The following SUGCT variants were observed in gnomAD, a reference collection of about 807,000 sequenced individuals.
SUGCT encodes the protein succinyl-CoA:glutarate CoA-transferase.
In SUGCT, 41 loss-of-function variants were observed where a neutral mutation model predicts 55.0. The observed-to-expected ratio is 0.74, with a 90% CI of 0.58 to 0.97. The LOEUF (loss-of-function observed/expected upper bound fraction) is 0.97. SUGCT is among the 50% of genes least tolerant of loss of function. The pLI is 0.00. For missense variants in SUGCT, 568 were observed against 547.8 expected, an observed-to-expected ratio of 1.04 and a Z score of -0.37; for synonymous variants, 187 against 200.4, an observed-to-expected ratio of 0.93 and a Z score of 0.56.
At chr7:40,574,903 G>A (rs1584024559) in intron 12 of SUGCT, among the ~76,000 whole-genome samples, 1 of 152,188 alleles carries the variant, frequency 6.6e-6, no homozygotes, top group Non-Finnish European at 1.5e-5. Flanking sequence ...CCTAACTGAT[G>A]TATAGATACA....
intron 6 of SUGCT, among the ~76,000 whole-genome samples, chr7:40,222,908 A>G (rs940716843): frequency 1.3e-5 from 2 of 152,070 alleles, no homozygotes; most frequent in Admixed American, 6.5e-5. Context: ...GATTACAGGC[A>G]TAAGCTACCA....
At chr7:40,908,571 G>A in the SUGCT span, among the ~76,000 whole-genome samples, 1 of 151,972 alleles carries the variant, frequency 6.6e-6, no homozygotes, top group Admixed American at 6.6e-5. Context: ...GAGCAATTTG[G>A]CCAAATATAT....
At chr7:41,038,583 G>A in the SUGCT span, among the ~76,000 whole-genome samples, 1 of 152,168 alleles carries the variant, frequency 6.6e-6, no homozygotes. Flanking sequence ...AGGAAAGGAA[G>A]GTGAGTTGCC....
At chr7:40,516,412 T>G (rs1793235223) in intron 12 of SUGCT, among the ~76,000 whole-genome samples, 1 of 152,192 alleles carries the variant, frequency 6.6e-6, no homozygotes, top group African/African-American at 2.4e-5. Flanking sequence ...AAGAAACTAT[T>G]GCCTAATCTG....
chr7:40,503,567 A>G (rs983070697), intron 12 of SUGCT, among the ~76,000 whole-genome samples: 1 of 152,166 alleles, frequency 6.6e-6, no homozygotes. Context: ...TAGCATGACA[A>G]ATAAGAGGAG....
intron 8 of SUGCT, among the ~76,000 whole-genome samples, chr7:40,311,485 A>G (rs1419466116): frequency 6.6e-6 from 1 of 152,208 alleles, no homozygotes; most frequent in Non-Finnish European, 1.5e-5. Context: ...CATTACTACA[A>G]TGACTGGCAT....
chr7:40,575,941 C>G (rs1796724125), intron 12 of SUGCT, among the ~76,000 whole-genome samples: 1 of 133,096 alleles, frequency 7.5e-6, no homozygotes, highest in Non-Finnish European at 1.5e-5. Flanking sequence ...GAGACACTGT[C>G]TCAAAAAAAA....
the SUGCT span, among the ~76,000 whole-genome samples, chr7:41,019,269 A>G: frequency 1.5e-3 from 225 of 152,340 alleles, no homozygotes; most frequent in African/African-American, 5.1e-3. Context: ...ATTAATAATT[A>G]AAATGTTAGC....
At chr7:41,032,411 C>A in the SUGCT span, among the ~76,000 whole-genome samples, 1 of 151,714 alleles carries the variant, frequency 6.6e-6, no homozygotes, top group African/African-American at 2.4e-5. Context: ...AGATTGCTGG[C>A]GATTCAGAGA....
intron 8 of SUGCT, among the ~76,000 whole-genome samples, chr7:40,281,438 A>G (rs995109113): frequency 1.3e-5 from 2 of 152,364 alleles, no homozygotes; most frequent in African/African-American, 4.8e-5. Flanking sequence ...ATAGAAGGTT[A>G]TAGCAGAAAG....
intron 12 of SUGCT, among the ~76,000 whole-genome samples, chr7:40,521,120 C>T (rs138912651): frequency 2.4e-4 from 36 of 152,156 alleles, no homozygotes; most frequent in African/African-American, 8.7e-4. Flanking sequence ...CCCAGCTAAA[C>T]CTCATGTTCA....
intron 13 of SUGCT, among the ~76,000 whole-genome samples, chr7:40,773,774 C>T (rs1288543998): frequency 4.6e-5 from 7 of 152,104 alleles, no homozygotes; most frequent in Admixed American, 4.6e-4. Context: ...GTGTGCACCC[C>T]CATGGAGAAA....
At chr7:40,206,627 C>T (rs1786990617) in intron 6 of SUGCT, among the ~76,000 whole-genome samples, 1 of 152,062 alleles carries the variant, frequency 6.6e-6, no homozygotes, top group Admixed American at 6.6e-5. Context: ...TGTGGATGTT[C>T]GAATCTCTGA....
chr7:41,020,773 G>A, the SUGCT span, among the ~76,000 whole-genome samples: 1 of 152,104 alleles, frequency 6.6e-6, no homozygotes, highest in Non-Finnish European at 1.5e-5. Flanking sequence ...TACAAATTCT[G>A]GATAAGTCAT....
intron 12 of SUGCT, among the ~76,000 whole-genome samples, chr7:40,669,398 T>C (rs1801822339): frequency 1.4e-5 from 2 of 141,660 alleles, no homozygotes; most frequent in Middle Eastern, 3.5e-3. Context: ...ACTAGGAATA[T>C]CTCAAATTCA....
At chr7:40,867,363 G>A in the SUGCT span, among the ~76,000 whole-genome samples, 46 of 151,602 alleles carry the variant, frequency 3.0e-4, no homozygotes, top group African/African-American at 1.1e-3. Context: ...TATATGGGGA[G>A]AGAGCAAGAG....
At chr7:40,336,960 A>G (rs1391166451) in intron 9 of SUGCT, among the ~76,000 whole-genome samples, 22 of 152,178 alleles carry the variant, frequency 1.4e-4, no homozygotes, top group Admixed American at 8.5e-4. Flanking sequence ...CTTTGTTCTC[A>G]TTGGTTTCAA....
At chr7:40,239,414 A>G (rs915945573) in intron 7 of SUGCT, among the ~76,000 whole-genome samples, 1 of 152,106 alleles carries the variant, frequency 6.6e-6, no homozygotes, top group African/African-American at 2.4e-5. Flanking sequence ...TTTTCTTTCC[A>G]TCCATTGAGA....
chr7:40,850,592 T>C (rs545615759), intron 13 of SUGCT, among the ~76,000 whole-genome samples: 2 of 152,250 alleles, frequency 1.3e-5, no homozygotes, highest in East Asian at 3.9e-4. Context: ...CAACCTCCCG[T>C]GCCTCTTTTT....
Sources: gnomAD v4.1 joint callset for allele counts (sites outside exome capture counted in the v4.1 genomes callset) on GRCh38, gnomAD v4.1.1 for gene constraint, MANE v1.5 for transcripts, NCBI Gene and HGNC (gene_info 2026-07-23, HGNC 2026-07-21) for gene names.